Variants in MED13 observed in about 807,000 individuals in gnomAD.
The protein encoded by MED13 is mediator of RNA polymerase II transcription subunit 13.
Under a neutral mutation model 225.2 loss-of-function variants are expected in MED13, and 23 were observed. That is an observed-to-expected ratio of 0.10 (90% CI 0.07 to 0.14). The LOEUF is 0.14. Among genes scored for constraint, MED13 ranks in the 10% least tolerant of loss-of-function variants. The probability of loss-of-function intolerance (pLI) is 1.00; values close to 1 mark genes in which losing one functional copy is unlikely to be tolerated. For missense variants in MED13, 2,197 were observed against 2,594.5 expected, an observed-to-expected ratio of 0.85 and a Z score of 3.33; for synonymous variants, 942 against 889.2, an observed-to-expected ratio of 1.06 and a Z score of -1.06.
chr17:62,017,775 T>A (rs1195960248), intron 8 of MED13, among the ~76,000 whole-genome samples: 1 of 152,206 alleles, frequency 6.6e-6, no homozygotes, highest in African/African-American at 2.4e-5. Context: ...AAAAATAATT[T>A]TTATTAATCT....
chr17:62,042,147 A>AT (rs1410637573), intron 3 of MED13, among the ~76,000 whole-genome samples: 2 of 152,232 alleles, frequency 1.3e-5, no homozygotes, highest in Admixed American at 6.5e-5. Flanking sequence ...ATCAGGTATT[A>AT]TTAACATAGC....
intron 8 of MED13, among the ~76,000 whole-genome samples, chr17:62,017,799 A>G (rs1318688947): frequency 6.6e-6 from 1 of 152,188 alleles, no homozygotes; most frequent in Non-Finnish European, 1.5e-5. Context: ...TCCTTATACA[A>G]TCTTTTTACA....
chr17:62,048,688 AGTC>A, intron 3 of MED13, among the ~76,000 whole-genome samples: 1 of 152,262 alleles, frequency 6.6e-6, no homozygotes, highest in African/African-American at 2.4e-5. Context: ...TATACCCTCT[AGTC>A]AGAGTACTGA....
intron 28 of MED13, among the ~76,000 whole-genome samples, chr17:61,949,293 A>G (rs2079877153): frequency 1.3e-5 from 2 of 150,930 alleles, no homozygotes. Flanking sequence ...TGGCATGATC[A>G]TGGCTCACTG....
chr17:61,957,737 A>C (rs541473993), intron 23 of MED13, among the ~76,000 whole-genome samples: 34 of 152,346 alleles, frequency 2.2e-4, no homozygotes, highest in Middle Eastern at 3.4e-3. Flanking sequence ...GTTCTATACT[A>C]TAAGTTGAAG....
chr17:61,948,949 G>T (rs373563025), intron 28 of MED13, among the ~76,000 whole-genome samples: 1 of 150,472 alleles, frequency 6.6e-6, no homozygotes, highest in African/African-American at 2.4e-5. Flanking sequence ...TTAGCCGGGC[G>T]TAGTGGCGGG....
intron 4 of MED13, among the ~76,000 whole-genome samples, chr17:62,035,129 A>G (rs2080791236): frequency 6.6e-6 from 1 of 152,128 alleles, no homozygotes; most frequent in Non-Finnish European, 1.5e-5. Flanking sequence ...TCAAAAAACA[A>G]AAACAAAAAC....
At chr17:61,982,075 A>G (rs1032990157) in intron 16 of MED13, 123 bp downstream of exon 16, 1 of 853,262 alleles carries the variant, frequency 1.2e-6, no homozygotes, top group Non-Finnish European at 1.8e-6. Context: ...ATCATCCATA[A>G]AGAGTTTTAA....
chr17:62,060,739 GC>G (rs2081032774), intron 2 of MED13, among the ~76,000 whole-genome samples: 2 of 149,280 alleles, frequency 1.3e-5, no homozygotes, highest in Non-Finnish European at 3.0e-5. Flanking sequence ...TCACTCTGTC[GC>G]CCAGGCTGGA....
chr17:62,039,622 A>C (rs2080836340), intron 3 of MED13, among the ~76,000 whole-genome samples: 8 of 112,698 alleles, frequency 7.1e-5, no homozygotes, highest in Admixed American at 1.1e-4. Context: ...AGACAGTTTC[A>C]CTCTTGTCAC....
At chr17:61,992,472 C>T (rs896357115) in intron 11 of MED13, 68 bp downstream of exon 11, 11 of 935,502 alleles carry the variant, frequency 1.2e-5, no homozygotes, top group Non-Finnish European at 1.5e-5. Flanking sequence ...AGAAGTCCAA[C>T]AATATCAGAT....
intron 2 of MED13, among the ~76,000 whole-genome samples, chr17:62,062,606 A>ACACACACACACACAC (rs1568010406): frequency 1.2e-5 from 1 of 84,218 alleles, no homozygotes. Flanking sequence ...CACACCACAC[A>ACACACACACACACAC]CACACACACA....
intron 8 of MED13, among the ~76,000 whole-genome samples, chr17:62,013,946 G>T (rs1242758902): frequency 6.6e-6 from 1 of 152,094 alleles, no homozygotes; most frequent in Admixed American, 6.6e-5. Flanking sequence ...GGCTGAGGCA[G>T]AAGAATCGCT....
intron 11 of MED13, among the ~76,000 whole-genome samples, chr17:61,989,877 G>A (rs1163745034): frequency 6.6e-6 from 1 of 152,144 alleles, no homozygotes; most frequent in Non-Finnish European, 1.5e-5. Flanking sequence ...ACACATTTTA[G>A]GATTGTTTTT....
At chr17:61,960,140 T>C (rs906570794) in intron 23 of MED13, among the ~76,000 whole-genome samples, 2 of 152,174 alleles carry the variant, frequency 1.3e-5, no homozygotes, top group Admixed American at 1.3e-4. Context: ...AGGCTTGAAA[T>C]GTTTATTAAG....
intron 3 of MED13, among the ~76,000 whole-genome samples, chr17:62,049,305 T>C (rs2080933114): frequency 6.6e-6 from 1 of 152,202 alleles, no homozygotes; most frequent in African/African-American, 2.4e-5. Flanking sequence ...AAGTGATTTA[T>C]ACTTCTAATA....
chr17:61,968,544 T>G (rs923567321), intron 17 of MED13, among the ~76,000 whole-genome samples: 2 of 152,166 alleles, frequency 1.3e-5, no homozygotes, highest in Non-Finnish European at 2.9e-5. Flanking sequence ...GCCAGGATGG[T>G]CTCGAGCTCC....
chr17:62,061,872 T>G (rs1056814914), intron 2 of MED13, among the ~76,000 whole-genome samples: 2 of 152,178 alleles, frequency 1.3e-5, no homozygotes, highest in Non-Finnish European at 2.9e-5. Flanking sequence ...TTAGAAAAAC[T>G]ACAAAAGCTG....
Position 61,984,811 on chromosome 17 carries a change from A to G in MED13, c.2531T>C (p.Ile844Thr). Residue 844 changes from isoleucine to threonine, a missense_variant, in exon 14 of 30, where the codon ATT (isoleucine) becomes ACT (threonine). Ile to Thr is a moderately conservative substitution (Grantham distance 89). Transcript: ENST00000397786. The stretch of plus-strand genomic sequence containing the variant: ...CATATTCATTGGGGAAAATCCCATA[A>G]TATGTTGTTCCAATGATGGTGGTGT... ...YPTPPSLEQHIMGFSPMNMNN... is the reference protein window; with the variant it reads ...YPTPPSLEQHTMGFSPMNMNN... 6.2e-7 allele frequency: 1 copy of G among 1,613,704 alleles called. No homozygotes were observed. The highest frequency in any genetic ancestry group is 8.5e-7 in the Non-Finnish European group (1 of 1,179,738).
Sources: allele counts gnomAD v4.1 joint callset (sites outside exome capture counted in the v4.1 genomes callset), GRCh38; gene constraint gnomAD v4.1.1; transcripts MANE v1.5; gene names NCBI Gene and HGNC (gene_info 2026-07-23, HGNC 2026-07-21).